The following ANKFN1 variants were observed in gnomAD, a reference collection of about 807,000 sequenced individuals.
ANKFN1 encodes the protein ankyrin repeat and fibronectin type-III domain-containing protein 1.
Under a neutral mutation model 108.7 loss-of-function variants are expected in ANKFN1, and 74 were observed. The ratio of observed to expected loss-of-function variants is 0.68; its 90% confidence interval spans 0.56 to 0.83. ANKFN1 has a LOEUF of 0.83. Ranked by LOEUF, ANKFN1 falls within the 40% of genes least tolerant of loss-of-function variation. ANKFN1 has a pLI of 0.00. For missense variants in ANKFN1, 1,505 were observed against 1,382.3 expected, an observed-to-expected ratio of 1.09 and a Z score of -1.41; for synonymous variants, 547 against 516.2, an observed-to-expected ratio of 1.06 and a Z score of -0.81.
chr17:56,487,432 G>A (rs2050890795), intron 18 of ANKFN1, among the ~76,000 whole-genome samples: 1 of 152,062 alleles, frequency 6.6e-6, no homozygotes, highest in Non-Finnish European at 1.5e-5. Context: ...TGACCTTGTG[G>A]GTGCTCACAA....
intron 6 of ANKFN1, among the ~76,000 whole-genome samples, chr17:56,355,292 T>G (rs77006501): frequency 3.0e-3 from 456 of 152,284 alleles, no homozygotes; most frequent in Middle Eastern, 6.8e-3. Flanking sequence ...CTCTCTGATG[T>G]GGTGATATTT....
chr17:56,277,943 A>C (rs530872432), intron 3 of ANKFN1, among the ~76,000 whole-genome samples: 2 of 152,340 alleles, frequency 1.3e-5, no homozygotes, highest in Non-Finnish European at 2.9e-5. Flanking sequence ...TGACTCTACG[A>C]ATAAGATCAA....
intron 8 of ANKFN1, among the ~76,000 whole-genome samples, chr17:56,417,719 G>A (rs1020989920): frequency 1.3e-5 from 2 of 152,190 alleles, no homozygotes; most frequent in African/African-American, 4.8e-5. Context: ...CCATGTGTAG[G>A]TGTTTATTCA....
chr17:56,503,095 C>T (rs1164212050), intron 20 of ANKFN1, among the ~76,000 whole-genome samples: 1 of 151,584 alleles, frequency 6.6e-6, no homozygotes, highest in Admixed American at 6.6e-5. Flanking sequence ...TTTTCTCTCC[C>T]GCTCCTTTTC....
intron 3 of ANKFN1, among the ~76,000 whole-genome samples, chr17:56,288,987 T>C (rs2332605): frequency 6.8e-6 from 1 of 148,104 alleles, no homozygotes; most frequent in Non-Finnish European, 1.5e-5. Flanking sequence ...CAATCACCCA[T>C]GTGTGTGCAC....
chr17:56,417,160 A>C (rs2145030188), intron 8 of ANKFN1, among the ~76,000 whole-genome samples: 1 of 152,308 alleles, frequency 6.6e-6, no homozygotes, highest in Non-Finnish European at 1.5e-5. Flanking sequence ...TGATAGACAA[A>C]CAGGATGATT....
At position 56,512,438 on chromosome 17, in the gene ANKFN1, C is replaced by T. The variant is rs1369055227; in HGVS notation, c.*1169C>T. ...CAATTGGCATCAGGGAAAATATGCT[C>T]AGAAGCCTTTACAAGTGGTTAATTC... On this transcript the variant is annotated 3_prime_UTR_variant, in exon 21 of 21. Transcript: ENST00000682825. Among the ~76,000 whole-genome samples the T allele has an allele frequency of 6.6e-6, 1 of 152,198 alleles. No individual in the cohort carries two copies. Among genetic ancestry groups the T allele is most frequent in the Admixed American group, 6.5e-5 (1 of 15,272 alleles).
intron 3 of ANKFN1, among the ~76,000 whole-genome samples, chr17:56,274,249 G>A (rs1241391011): frequency 6.6e-6 from 1 of 152,040 alleles, no homozygotes; most frequent in South Asian, 2.1e-4. Context: ...CGAGGCAGGC[G>A]GATCACGAGG....
At chr17:56,115,035 A>G (rs1338684966) in intron 4 of ANKFN1, among the ~76,000 whole-genome samples, 25 of 152,256 alleles carry the variant, frequency 1.6e-4, no homozygotes, top group Admixed American at 1.6e-3. Context: ...ATTTTAGTGC[A>G]GTGAGATCCA....
intron 4 of ANKFN1, among the ~76,000 whole-genome samples, chr17:56,339,495 G>C (rs1456059862): frequency 6.6e-6 from 1 of 151,856 alleles, no homozygotes; most frequent in East Asian, 1.9e-4. Flanking sequence ...AGTATCTCTT[G>C]TTCCCCTCTA....
intron 3 of ANKFN1, among the ~76,000 whole-genome samples, chr17:56,287,178 A>G (rs1232223415): frequency 6.6e-6 from 1 of 152,152 alleles, no homozygotes; most frequent in African/African-American, 2.4e-5. Context: ...TAATTTACTC[A>G]AAGTCGCAGA....
At chr17:56,165,664 A>G (rs1233857043) in intron 1 of ANKFN1, among the ~76,000 whole-genome samples, 1 of 151,964 alleles carries the variant, frequency 6.6e-6, no homozygotes, top group Non-Finnish European at 1.5e-5. Flanking sequence ...TTTAGTTTTC[A>G]TATGGGTGTT....
intron 3 of ANKFN1, among the ~76,000 whole-genome samples, chr17:56,287,442 T>C (rs2044248474): frequency 6.6e-6 from 1 of 152,198 alleles, no homozygotes; most frequent in Non-Finnish European, 1.5e-5. Flanking sequence ...TGCCATTAGA[T>C]TAAATGATAT....
intron 18 of ANKFN1, among the ~76,000 whole-genome samples, chr17:56,486,052 G>A (rs2050846043): frequency 6.6e-6 from 1 of 152,198 alleles, no homozygotes; most frequent in African/African-American, 2.4e-5. Context: ...AAATTCAACT[G>A]TGCCTGTCCT....
chr17:56,362,047 C>T (rs1223028543), intron 6 of ANKFN1, among the ~76,000 whole-genome samples: 8 of 152,134 alleles, frequency 5.3e-5, no homozygotes. Flanking sequence ...TGAATGCAAG[C>T]AGACATAGGT....
intron 10 of ANKFN1, among the ~76,000 whole-genome samples, chr17:56,445,014 T>C (rs1434620958): frequency 6.6e-6 from 1 of 152,218 alleles, no homozygotes; most frequent in East Asian, 1.9e-4. Flanking sequence ...CTGACTCTCC[T>C]GGCATTTGAT....
At chr17:56,240,961 G>T (rs1917538734) in intron 3 of ANKFN1, among the ~76,000 whole-genome samples, 1 of 151,022 alleles carries the variant, frequency 6.6e-6, no homozygotes, top group Admixed American at 6.6e-5. Flanking sequence ...TCTGTTTTTG[G>T]CCTGTTTTTT....
At chr17:56,112,224 C>T (rs1403484861) in intron 4 of ANKFN1, among the ~76,000 whole-genome samples, 1 of 152,068 alleles carries the variant, frequency 6.6e-6, no homozygotes. Flanking sequence ...TTGTTCATGG[C>T]TAAAAACCAT....
intron 8 of ANKFN1, 51 bp from the exon 9 acceptor site, chr17:56,440,276 G>GA: frequency 3.3e-6 from 4 of 1,226,648 alleles, no homozygotes; most frequent in Non-Finnish European, 3.6e-6. Context: ...ATGTGTGACT[G>GA]AATTTTATTC....
Sources: allele counts gnomAD v4.1 joint callset (sites outside exome capture counted in the v4.1 genomes callset), GRCh38; gene constraint gnomAD v4.1.1; transcripts MANE v1.5; gene names NCBI Gene and HGNC (gene_info 2026-07-23, HGNC 2026-07-21).